Variants in PPARGC1B observed in about 807,000 individuals in gnomAD.
The protein encoded by PPARGC1B is peroxisome proliferator-activated receptor gamma coactivator 1-beta.
A neutral mutation model predicts 101.6 loss-of-function variants in PPARGC1B; 34 were observed. The observed-to-expected ratio is 0.33, with a 90% CI of 0.25 to 0.45. PPARGC1B has a LOEUF of 0.45. Among genes scored for constraint, PPARGC1B ranks in the 20% least tolerant of loss-of-function variants. The pLI, the probability that PPARGC1B is intolerant of heterozygous loss-of-function variation, is 1.00. For missense variants in PPARGC1B, 1,234 were observed against 1,317.6 expected (o/e 0.94, Z 0.98); for synonymous variants, 548 against 539.3 (o/e 1.02, Z -0.22).
At chr5:149,782,287 A>G (rs894743114) in intron 1 of PPARGC1B, among the ~76,000 whole-genome samples, 5 of 152,168 alleles carry the variant, frequency 3.3e-5, no homozygotes, top group Admixed American at 2.6e-4. Flanking sequence ...TTCCTCTTGT[A>G]TAAGATATAA....
At chr5:149,857,359 A>C (rs1358580622), downstream of PPARGC1B, among the ~76,000 whole-genome samples, 2 of 152,098 alleles carry the variant, frequency 1.3e-5, no homozygotes, top group African/African-American at 4.8e-5. Context: ...TTTTTTTGAC[A>C]GATTGGGAAG....
At position 149,848,622 on chromosome 5, in the gene PPARGC1B, C is replaced by CATGT. The variant is rs1482527482; in HGVS notation, c.*1065_*1068dup. On this transcript the variant is annotated 3_prime_UTR_variant, in exon 12 of 12. Coordinates refer to ENST00000309241, the MANE Select transcript of PPARGC1B (RefSeq NM_133263.4). Reference sequence around the variant, plus strand: ...AGCATCAGGTGAATTCAAGCCCTGGCATGTGTCTTGGATGCACCATCAGCT... The same window carrying CATGT: ...AGCATCAGGTGAATTCAAGCCCTGGCATGTATGTGTCTTGGATGCACCATCAGCT... 1.3e-5 allele frequency: 2 copies of CATGT among 152,216 alleles called. No individual in the cohort carries two copies. The highest frequency in any genetic ancestry group is 4.8e-5 in the African/African-American group (2 of 41,446). 9.4% of individuals were successfully genotyped at this position (152,216 alleles called of 1,614,324 possible). A position where few individuals can be genotyped will look rare whatever the true frequency, so the allele number is the denominator to read the frequency against.
At chr5:149,737,387 A>G (rs1320392469) in intron 1 of PPARGC1B, among the ~76,000 whole-genome samples, 2 of 152,140 alleles carry the variant, frequency 1.3e-5, no homozygotes, top group Non-Finnish European at 2.9e-5. Flanking sequence ...CTCCCCAGGA[A>G]AACCCTGAAT....
chr5:149,764,124 G>A (rs965150610), intron 1 of PPARGC1B, among the ~76,000 whole-genome samples: 9 of 152,222 alleles, frequency 5.9e-5, no homozygotes, highest in African/African-American at 2.2e-4. Context: ...CAAGCCCAGA[G>A]TAAGAACTTC....
At chr5:149,847,203 C>T in intron 11 of PPARGC1B, 2 of 617,548 alleles carry the variant, frequency 3.2e-6, no homozygotes, top group Non-Finnish European at 6.0e-6. Flanking sequence ...TAGAAAGGCT[C>T]TGGAGTGCTC....
At position 149,831,027 on chromosome 5, in the gene PPARGC1B, C is replaced by T. The variant is rs45615139; in HGVS notation, c.582+144C>T. The T allele has an allele frequency of 2.4e-3, 1,597 of 675,866 alleles. 24 individuals carry two copies. In the African/African-American group the frequency reaches 0.026, roughly 11 times the overall value. The allele number at this position is 675,866 out of a possible 1,614,324, so 41.9% of individuals were successfully genotyped here. ...GCCCTTGTAGCTGGTGTCCTGGGCACTGCTTCTGGAGATCCAGCCTAGTTT... is the reference window on the plus strand; with the variant it reads ...GCCCTTGTAGCTGGTGTCCTGGGCATTGCTTCTGGAGATCCAGCCTAGTTT... On this transcript the variant is annotated intron_variant, in intron 4 of 11. Transcript: ENST00000309241.
At chr5:149,820,783 G>A (rs573736824) in intron 2 of PPARGC1B, among the ~76,000 whole-genome samples, 177 bp downstream of exon 2, 2 of 152,252 alleles carry the variant, frequency 1.3e-5, no homozygotes, top group East Asian at 1.9e-4. Context: ...CTGGCGCAGC[G>A]CACATGCCTC....
rs1459660750 is a variant in PPARGC1B, at chr5:149,833,333, C to T, written c.1260C>T (p.Val420=). Residue 420 remains valine (V), a synonymous_variant, in exon 5 of 12, where the codon GTC becomes GTT. Coordinates refer to ENST00000309241, the MANE Select transcript of PPARGC1B (RefSeq NM_133263.4). The surrounding 1 kb of genome is among the most constrained non-coding windows in gnomAD (Gnocchi z 4.1). The part of the protein sequence containing the change: ...RPLRLEVKRE[V]RRPARLQQQE... ...TGCGGCTGGAGGTGAAAAGGGAGGTCCGCCGGCCTGCCAGACTGCAGCAGC... is the reference window on the plus strand; with the variant it reads ...TGCGGCTGGAGGTGAAAAGGGAGGTTCGCCGGCCTGCCAGACTGCAGCAGC... 3.1e-6 allele frequency: 5 copies of T among 1,613,306 alleles called. No individual in the cohort carries two copies. The highest frequency in any genetic ancestry group is 3.4e-6 in the Non-Finnish European group (4 of 1,180,024).
At chr5:149,845,185 T>G (rs1329686496) in intron 10 of PPARGC1B, among the ~76,000 whole-genome samples, 1 of 152,110 alleles carries the variant, frequency 6.6e-6, no homozygotes, top group Non-Finnish European at 1.5e-5. Flanking sequence ...ATGTCTACCA[T>G]GAAGGGCAAG....
chr5:149,755,040 C>CATATATATATATATATAT (rs761461783), intron 1 of PPARGC1B, among the ~76,000 whole-genome samples: 2 of 85,250 alleles, frequency 2.3e-5, no homozygotes, highest in African/African-American at 1.5e-4. Context: ...ACTACATATA[C>CATATATATATATATATAT]ATATACATAT....
intron 1 of PPARGC1B, among the ~76,000 whole-genome samples, chr5:149,775,920 T>A (rs1406393361): frequency 2.6e-5 from 4 of 152,274 alleles, no homozygotes; most frequent in African/African-American, 7.2e-5. Context: ...TAGAAATAAG[T>A]CCTTCCATTT....
At position 149,853,893 on chromosome 5, in the gene PPARGC1B, T is replaced by C. The variant is rs928851054; in HGVS notation, c.*6335T>C. 6.6e-6 allele frequency: 1 copy of C among 152,184 alleles called. No individual in the cohort carries two copies. The highest frequency in any genetic ancestry group is 2.4e-5 in the African/African-American group (1 of 41,444). 9.4% of individuals were successfully genotyped at this position (152,184 alleles called of 1,614,324 possible). A position where few individuals can be genotyped will look rare whatever the true frequency, so the allele number is the denominator to read the frequency against. ...TCCAGAAGTCCAGCTTAGTGCAGTC[T>C]GCTCTGGAATTCACACCCACCCCCT... On this transcript the variant is annotated 3_prime_UTR_variant, in exon 12 of 12. Transcript: ENST00000309241. The surrounding 1 kb of genome is among the most constrained non-coding windows in gnomAD (Gnocchi z 4.2).
At chr5:149,760,532 A>G (rs1755680088) in intron 1 of PPARGC1B, among the ~76,000 whole-genome samples, 1 of 152,150 alleles carries the variant, frequency 6.6e-6, no homozygotes, top group African/African-American at 2.4e-5. Context: ...AAGGGACTTG[A>G]ATGTATCTCC....
intron 1 of PPARGC1B, among the ~76,000 whole-genome samples, chr5:149,770,811 A>G (rs1756102586): frequency 6.6e-6 from 1 of 151,614 alleles, no homozygotes; most frequent in Non-Finnish European, 1.5e-5. Context: ...CGGACAACAG[A>G]GCAAGACCCT....
chr5:149,820,676 C>T (rs746947769), intron 2 of PPARGC1B, 70 bp downstream of exon 2: 33 of 1,438,050 alleles, frequency 2.3e-5, no homozygotes, highest in Non-Finnish European at 3.1e-5. Context: ...CCGGCTCTGC[C>T]CTGCTCTGCC....
intron 1 of PPARGC1B, among the ~76,000 whole-genome samples, chr5:149,800,911 G>A (rs147854023): frequency 8.5e-5 from 13 of 152,360 alleles, no homozygotes; most frequent in Non-Finnish European, 1.6e-4. Context: ...CTGAGGCGGC[G>A]GCACACGCCT....
chr5:149,845,789 G>A lies in PPARGC1B; in HGVS notation c.2846G>A (p.Arg949Gln), dbSNP rs372006030. Residue 949 changes from arginine (R) to glutamine (Q), a missense_variant, in exon 11 of 12, where the codon CGG becomes CAG. By Grantham distance (43) the Arg-to-Gln change is conservative. Coordinates refer to ENST00000309241, the MANE Select transcript of PPARGC1B (RefSeq NM_133263.4). ...RGEKYGFITY[R>Q]CSEHAALSLT... is the part of the protein sequence containing the mutation. ...GAGAAGTACGGCTTCATCACCTACC[G>A]GTGTTCTGAGCACGCGGCCCTCTCT... 6.1e-5 allele frequency: 98 copies of A among 1,613,478 alleles called. 2 individuals carry two copies. The highest frequency in any genetic ancestry group is 5.0e-4 in the Middle Eastern group (3 of 6,008).
At position 149,830,895 on chromosome 5, in the gene PPARGC1B, C is replaced by T; in HGVS notation, c.582+12C>T. On this transcript the variant is annotated intron_variant, in intron 4 of 11. Transcript: ENST00000309241. The stretch of plus-strand genomic sequence containing the variant: ...GGCCTTGTGTTAAGGTATTTCTTCA[C>T]ATGCCCCCAAATCTACCCCAGGTGT... The T allele has an allele frequency of 4.4e-6, 7 of 1,574,930 alleles. No individual in the cohort carries two copies. The highest frequency in any genetic ancestry group is 6.1e-6 in the Non-Finnish European group (7 of 1,144,116).
chr5:149,848,331 A>G lies in PPARGC1B; in HGVS notation c.*773A>G, dbSNP rs958229464. 1 of 152,230 alleles carries G rather than the reference A, an allele frequency of 6.6e-6. No homozygotes were observed. Among genetic ancestry groups the G allele is most frequent in the African/African-American group, 2.4e-5 (1 of 41,444 alleles). 9.4% of individuals were successfully genotyped at this position (152,230 alleles called of 1,614,324 possible). ...TCAGACTCTTGAGTACCTTGTAAGG[A>G]AGGCGGGGCAAGCTGCATCATTCCT... On this transcript the variant is annotated 3_prime_UTR_variant, in exon 12 of 12. Transcript: ENST00000309241.
Sources: allele counts gnomAD v4.1 joint callset (sites outside exome capture counted in the v4.1 genomes callset), GRCh38; gene constraint gnomAD v4.1.1; non-coding constraint Gnocchi (gnomAD v3.1); transcripts MANE v1.5; gene names NCBI Gene and HGNC (gene_info 2026-07-23, HGNC 2026-07-21).